The following CAMTA1 variants were observed in gnomAD, a reference collection of about 807,000 sequenced individuals.
The protein encoded by CAMTA1 is calmodulin-binding transcription activator 1.
In CAMTA1, 27 loss-of-function variants were observed where a neutral mutation model predicts 170.9. That is an observed-to-expected ratio of 0.16 (90% confidence interval 0.12 to 0.22). The LOEUF (loss-of-function observed/expected upper bound fraction) is 0.22. Among genes scored for constraint, CAMTA1 ranks in the 10% least tolerant of loss-of-function variants. The pLI, the probability that CAMTA1 is intolerant of heterozygous loss-of-function variation, is 1.00. For missense variants in CAMTA1, 1,619 were observed against 2,217.2 expected, an observed-to-expected ratio of 0.73 and a Z score of 5.42; for synonymous variants, 833 against 891.5, an observed-to-expected ratio of 0.93 and a Z score of 1.17.
chr1:6,928,919 A>T (rs1683852253), intron 3 of CAMTA1, among the ~76,000 whole-genome samples: 1 of 152,182 alleles, frequency 6.6e-6, no homozygotes. Flanking sequence ...ACTGTTGTTT[A>T]CTTAGCACTT....
intron 1 of CAMTA1, among the ~76,000 whole-genome samples, chr1:6,787,837 CAT>C (rs777050728): frequency 1.3e-5 from 2 of 152,170 alleles, no homozygotes; most frequent in Non-Finnish European, 2.9e-5. Context: ...CTTGATTCTG[CAT>C]AGAGTGAAAA....
At position 7,397,052 on chromosome 1, in the gene CAMTA1, A is replaced by G. The variant is rs116274406; in HGVS notation, c.439-70778A>G. 4.6e-3 allele frequency among the ~76,000 whole-genome samples: 697 copies of G among 152,226 alleles called. 5 individuals carry two copies. Among genetic ancestry groups the G allele is most frequent in the African/African-American group, 0.015 (632 of 41,544 alleles). On this transcript the variant is annotated intron_variant, in intron 5 of 22. Coordinates refer to ENST00000303635, the MANE Select transcript of CAMTA1 (RefSeq NM_015215.4). Reference sequence around the variant, plus strand: ...AAGAATTCCCTCTTAATTTTTTGGAATCGTTTGGAAAACATTGGTAATAGT... The same window carrying G: ...AAGAATTCCCTCTTAATTTTTTGGAGTCGTTTGGAAAACATTGGTAATAGT...
intron 6 of CAMTA1, among the ~76,000 whole-genome samples, chr1:7,622,053 A>T (rs537878681): frequency 6.8e-4 from 103 of 152,322 alleles, no homozygotes; most frequent in African/African-American, 2.4e-3. Flanking sequence ...CCAAAAACCA[A>T]AACAGTGACC....
At chr1:7,655,181 TACACAAACACACACCCCTATAC>T (rs1175199290) in intron 7 of CAMTA1, among the ~76,000 whole-genome samples, 8 of 95,456 alleles carry the variant, frequency 8.4e-5, no homozygotes, top group African/African-American at 3.0e-4. Flanking sequence ...CACACACCTA[TACACAAACACACACCCCTATAC>T]ACACAAACAC....
At position 7,248,944 on chromosome 1, in the gene CAMTA1, C is replaced by T. The variant is rs1666238819; in HGVS notation, c.303-547C>T. The stretch of plus-strand genomic sequence containing the variant: ...CTTGAGAAGCAAGACCGCAGATGCT[C>T]TTTCATATCTAGCAGTAATCTAAAT... On this transcript the variant is annotated intron_variant, in intron 4 of 22. Transcript: ENST00000303635. This position sits in a 1 kb window ranked among gnomAD's most constrained non-coding sequence, Gnocchi z 4.0. Among the ~76,000 whole-genome samples, 1 of 152,200 alleles carries T rather than the reference C, an allele frequency of 6.6e-6. No homozygotes were observed. The highest frequency in any genetic ancestry group is 2.1e-4 in the South Asian group (1 of 4,828).
At chr1:7,203,961 A>G (rs1399416722) in intron 4 of CAMTA1, among the ~76,000 whole-genome samples, 3 of 150,730 alleles carry the variant, frequency 2.0e-5, no homozygotes, top group Admixed American at 2.0e-4. Context: ...CCTCCCGAGT[A>G]GCTGGGACTA....
intron 5 of CAMTA1, among the ~76,000 whole-genome samples, chr1:7,339,272 T>G (rs1185608753): frequency 6.6e-6 from 1 of 152,230 alleles, no homozygotes; most frequent in Non-Finnish European, 1.5e-5. Flanking sequence ...ATGGAAGAAT[T>G]GTACGGAATG....
At chr1:7,101,451 C>T (rs1042740023) in intron 4 of CAMTA1, among the ~76,000 whole-genome samples, 2 of 152,308 alleles carry the variant, frequency 1.3e-5, no homozygotes, top group Admixed American at 1.3e-4. Flanking sequence ...GAGATTCTCC[C>T]CCTGTGCTGT....
intron 6 of CAMTA1, among the ~76,000 whole-genome samples, chr1:7,610,892 CAA>C (rs1460676281): frequency 6.6e-6 from 1 of 152,246 alleles, no homozygotes; most frequent in Non-Finnish European, 1.5e-5. Context: ...GCATGAGGGG[CAA>C]AGGCCAGGGC....
chr1:7,457,211 AT>A (rs1292927136), intron 5 of CAMTA1, among the ~76,000 whole-genome samples: 2 of 151,952 alleles, frequency 1.3e-5, no homozygotes, highest in East Asian at 3.9e-4. Context: ...ATGCCCACTA[AT>A]TTATTAATCT....
At chr1:7,669,957 G>A (rs2096042423) in intron 9 of CAMTA1, among the ~76,000 whole-genome samples, 1 of 152,244 alleles carries the variant, frequency 6.6e-6, no homozygotes, top group Non-Finnish European at 1.5e-5. Context: ...CCCCGGACAT[G>A]AGGCCACCCT....
intron 4 of CAMTA1, among the ~76,000 whole-genome samples, chr1:7,166,675 G>A (rs1199124496): frequency 1.3e-5 from 2 of 151,734 alleles, no homozygotes; most frequent in East Asian, 3.9e-4. Flanking sequence ...TTGATTTGCA[G>A]GGATTCTTAA....
Position 7,471,926 on chromosome 1 carries a change from G to A in CAMTA1, c.510+4025G>A, listed in dbSNP as rs561217606. ...GCAGGGGACCAGGCCCCCATTCCAG[G>A]CCAGACTTCCCTGCAGATTCTGTAT... is the stretch of plus-strand genomic sequence containing the variant. On this transcript the variant is annotated intron_variant, in intron 6 of 22. Coordinates refer to ENST00000303635, the MANE Select transcript of CAMTA1 (RefSeq NM_015215.4). 1.5e-4 allele frequency among the ~76,000 whole-genome samples: 23 copies of A among 152,306 alleles called. No homozygotes were observed. In the East Asian group the frequency reaches 4.4e-3, roughly 29 times the overall value.
At chr1:7,525,251 G>A (rs1407784909) in intron 6 of CAMTA1, among the ~76,000 whole-genome samples, 3 of 151,836 alleles carry the variant, frequency 2.0e-5, no homozygotes, top group Non-Finnish European at 4.4e-5. Context: ...CAGGGTGGGA[G>A]CAGTGTGGTG....
chr1:7,072,852 T>A (rs1008996114), intron 3 of CAMTA1, among the ~76,000 whole-genome samples: 2 of 152,126 alleles, frequency 1.3e-5, no homozygotes, highest in African/African-American at 4.8e-5. Context: ...AAGGGGACTG[T>A]GTGGCTGAGT....
rs572753036 is a variant in CAMTA1, at chr1:7,101,378, T to G, written c.302+10007T>G. Among the ~76,000 whole-genome samples, 8 of 152,312 alleles carry G rather than the reference T, an allele frequency of 5.3e-5. No homozygotes were observed. In the South Asian group the frequency reaches 1.7e-3, roughly 32 times the overall value. ...AGGCGAGTTCTTGGAATAAAGGACT[T>G]TTTGCAATTCATAAGTTTCTGTGTA... On this transcript the variant is annotated intron_variant, in intron 4 of 22. Coordinates refer to ENST00000303635, the MANE Select transcript of CAMTA1 (RefSeq NM_015215.4).
chr1:6,930,538 G>A (rs1441981197), intron 3 of CAMTA1, among the ~76,000 whole-genome samples: 1 of 152,172 alleles, frequency 6.6e-6, no homozygotes, highest in Non-Finnish European at 1.5e-5. Context: ...GGGTTTGCGC[G>A]CATGTGAGGA....
intron 5 of CAMTA1, among the ~76,000 whole-genome samples, chr1:7,250,241 T>C (rs1282993504): frequency 6.6e-6 from 1 of 152,222 alleles, no homozygotes; most frequent in Non-Finnish European, 1.5e-5. Flanking sequence ...CCCCACAGAC[T>C]CTCAACCTTG....
intron 21 of CAMTA1, among the ~76,000 whole-genome samples, chr1:7,755,355 A>G (rs1167270757): frequency 1.3e-5 from 2 of 148,814 alleles, no homozygotes; most frequent in Non-Finnish European, 3.0e-5. Context: ...AAAAAAAAGG[A>G]AAACCTCATA....
Sources: allele counts gnomAD v4.1 joint callset (sites outside exome capture counted in the v4.1 genomes callset), GRCh38; gene constraint gnomAD v4.1.1; non-coding constraint Gnocchi (gnomAD v3.1); transcripts MANE v1.5; gene names NCBI Gene and HGNC (gene_info 2026-07-23, HGNC 2026-07-21).